The following DROSHA variants were observed in gnomAD, a reference collection of about 807,000 sequenced individuals.
DROSHA encodes the protein drosha ribonuclease III.
In DROSHA, 56 loss-of-function variants were observed where a neutral mutation model predicts 181.9. That is an observed-to-expected ratio of 0.31 (90% CI 0.25 to 0.38). The LOEUF (loss-of-function observed/expected upper bound fraction) is 0.38, where lower values mean the gene tolerates loss of function less well. Ranked by LOEUF, DROSHA falls within the 10% of genes least tolerant of loss-of-function variation. The pLI is 1.00. For missense variants in DROSHA, 1,218 were observed against 1,743.5 expected (o/e 0.70, Z 5.37); for synonymous variants, 524 against 591.2 (o/e 0.89, Z 1.65).
chr5:31,424,012 A>C (rs189957924), intron 28 of DROSHA, among the ~76,000 whole-genome samples: 2 of 152,346 alleles, frequency 1.3e-5, no homozygotes, highest in African/African-American at 4.8e-5. Context: ...ATACGTTAAC[A>C]ATGTTAATTT....
intron 11 of DROSHA, among the ~76,000 whole-genome samples, chr5:31,500,995 C>A (rs1427596438): frequency 1.3e-5 from 2 of 152,166 alleles, no homozygotes; most frequent in Admixed American, 6.5e-5. Flanking sequence ...ATTCCTTGCC[C>A]AGTTCCAGAC....
intron 23 of DROSHA, among the ~76,000 whole-genome samples, chr5:31,448,194 T>C (rs868229201): frequency 6.6e-6 from 1 of 152,218 alleles, no homozygotes; most frequent in Non-Finnish European, 1.5e-5. Flanking sequence ...TATTGACACA[T>C]ACTATACTAT....
intron 19 of DROSHA, among the ~76,000 whole-genome samples, chr5:31,464,907 T>C (rs1484488730): frequency 6.6e-6 from 1 of 152,192 alleles, no homozygotes; most frequent in Non-Finnish European, 1.5e-5. Context: ...TAATTGTATA[T>C]TTGCATGCAT....
At chr5:31,482,813 A>G (rs1580248700) in intron 16 of DROSHA, among the ~76,000 whole-genome samples, 1 of 148,510 alleles carries the variant, frequency 6.7e-6, no homozygotes, top group Non-Finnish European at 1.5e-5. Context: ...CATTAAAAAT[A>G]CTTTTTTTTT....
intron 16 of DROSHA, among the ~76,000 whole-genome samples, chr5:31,472,763 A>G (rs1057328036): frequency 6.6e-6 from 1 of 152,230 alleles, no homozygotes. Context: ...TGATGAACAG[A>G]GCTAAAGAGC....
chr5:31,505,513 G>A (rs1200714967), intron 10 of DROSHA, among the ~76,000 whole-genome samples: 2 of 152,102 alleles, frequency 1.3e-5, no homozygotes, highest in Non-Finnish European at 2.9e-5. Flanking sequence ...CATTTATGTG[G>A]GGGAAAAGAC....
chr5:31,466,239 G>A lies in DROSHA; in HGVS notation c.2409C>T (p.Leu803=), dbSNP rs1004604440. Residue 803 remains leucine (L), a synonymous_variant, in exon 19 of 36, where the codon CTC becomes CTT. Transcript: ENST00000344624. ...LWKSYVKLRH[L]LANSPKVKQT... ...GTTTGACTTTGGGACTATTTGCTAG[G>A]AGGTGGCGAAGTTTCACATAACTCT... 10 of 1,613,560 alleles carry A rather than the reference G, an allele frequency of 6.2e-6. No homozygotes were observed. The African/African-American group carries it at 8.0e-5, about 13-fold the overall frequency.
At chr5:31,422,433 A>G (rs1452712598) in intron 29 of DROSHA, among the ~76,000 whole-genome samples, 2 of 152,220 alleles carry the variant, frequency 1.3e-5, no homozygotes, top group African/African-American at 4.8e-5. Context: ...TTTGCATTTC[A>G]TCGATGGCTG....
intron 24 of DROSHA, 145 bp downstream of exon 24, chr5:31,437,094 G>A: frequency 2.3e-6 from 2 of 854,398 alleles, no homozygotes; most frequent in Non-Finnish European, 3.6e-6. Context: ...CCACAGACAT[G>A]TGGCTTCTAA....
chr5:31,484,380 C>CAAAAAA (rs377304788), intron 15 of DROSHA, among the ~76,000 whole-genome samples: 17 of 82,980 alleles, frequency 2.0e-4, no homozygotes, highest in African/African-American at 4.2e-4. Flanking sequence ...GACTCCGTCT[C>CAAAAAA]AAAAAAAAAA....
intron 23 of DROSHA, among the ~76,000 whole-genome samples, chr5:31,446,167 C>T (rs944999892): frequency 2.6e-5 from 4 of 152,140 alleles, no homozygotes. Flanking sequence ...TAATTCCAGG[C>T]CGGGCGTGGT....
chr5:31,521,956 C>T (rs547792135), intron 5 of DROSHA, among the ~76,000 whole-genome samples: 1 of 152,088 alleles, frequency 6.6e-6, no homozygotes, highest in African/African-American at 2.4e-5. Flanking sequence ...AAGGAAGTAA[C>T]CTTCCAATCT....
At chr5:31,460,092 T>A (rs950736816) in intron 20 of DROSHA, among the ~76,000 whole-genome samples, 1 of 152,202 alleles carries the variant, frequency 6.6e-6, no homozygotes, top group Non-Finnish European at 1.5e-5. Flanking sequence ...TTAACCTCAG[T>A]GTGTGAAACC....
chr5:31,476,531 A>G (rs185236867), intron 16 of DROSHA, among the ~76,000 whole-genome samples: 2 of 152,366 alleles, frequency 1.3e-5, no homozygotes, highest in Admixed American at 6.5e-5. Flanking sequence ...AAAGTTAACA[A>G]CACTGAAGGA....
At chr5:31,524,828 T>C (rs944949697) in intron 5 of DROSHA, among the ~76,000 whole-genome samples, 2 of 152,204 alleles carry the variant, frequency 1.3e-5, no homozygotes, top group Admixed American at 6.5e-5. Flanking sequence ...AAATGTAATA[T>C]AGAATGAAAC....
intron 11 of DROSHA, among the ~76,000 whole-genome samples, chr5:31,503,971 G>C (rs1008984336): frequency 2.0e-5 from 3 of 152,128 alleles, no homozygotes; most frequent in African/African-American, 7.2e-5. Context: ...TGAGGAGCTT[G>C]GGATTAATAA....
chr5:31,422,670 G>T, intron 29 of DROSHA, 117 bp downstream of exon 29: 1 of 1,319,632 alleles, frequency 7.6e-7, no homozygotes, highest in Non-Finnish European at 1.0e-6. Flanking sequence ...ATCTCACAAT[G>T]TGACTTTCCT....
chr5:31,429,584 T>C (rs759842244), intron 26 of DROSHA, 39 bp from the exon 27 acceptor site: 2 of 1,561,530 alleles, frequency 1.3e-6, no homozygotes, highest in Non-Finnish European at 1.7e-6. Flanking sequence ...AGAGTCTCCA[T>C]CAACAGTCAA....
At position 31,405,692 on chromosome 5, in the gene DROSHA, C is replaced by A; in HGVS notation, c.3979G>T (p.Asp1327Tyr). Residue 1327 changes from aspartate (D) to tyrosine (Y), a missense_variant, in exon 35 of 36, where the codon GAT (aspartate) becomes TAT (tyrosine). By Grantham distance (160) the Asp-to-Tyr change is radical. Transcript: ENST00000344624. ...IQQAEMGAAM[D>Y]ALEKYNFPQM... ...ACAGGCTTACATTTTTCAAGCGCAT[C>A]CATTGCTGCTCCCATTTCCGCTTGC... 1 of 1,563,348 alleles carries A rather than the reference C, an allele frequency of 6.4e-7. No individual in the cohort carries two copies. Among genetic ancestry groups the A allele is most frequent in the African/African-American group, 1.4e-5 (1 of 72,752 alleles).
Sources: allele counts gnomAD v4.1 joint callset (sites outside exome capture counted in the v4.1 genomes callset), GRCh38; gene constraint gnomAD v4.1.1; transcripts MANE v1.5; gene names NCBI Gene and HGNC (gene_info 2026-07-23, HGNC 2026-07-21).